The following MARCHF1 variants were observed in gnomAD, a reference collection of about 807,000 sequenced individuals.
MARCHF1 encodes membrane associated ring-CH-type finger 1, also known as E3 ubiquitin-protein ligase MARCHF1.
A neutral mutation model predicts 54.2 loss-of-function variants in MARCHF1; 40 were observed. That is an observed-to-expected ratio of 0.74 (90% confidence interval 0.57 to 0.96). MARCHF1 has a LOEUF of 0.96. MARCHF1 is among the 40% of genes least tolerant of loss of function. The pLI, the probability that MARCHF1 is intolerant of heterozygous loss-of-function variation, is 0.00. For synonymous variants in MARCHF1, 236 were observed against 236.3 expected (o/e 1.00, Z 0.01); for missense variants, 586 against 656.5 (o/e 0.89, Z 1.17).
intron 4 of MARCHF1, among the ~76,000 whole-genome samples, chr4:163,789,237 T>G (rs1747703877): frequency 2.0e-5 from 3 of 152,018 alleles, no homozygotes; most frequent in African/African-American, 7.2e-5. Flanking sequence ...TACTGCAGGA[T>G]AGAAATACAA....
At chr4:163,751,539 A>G (rs904358992) in intron 4 of MARCHF1, among the ~76,000 whole-genome samples, 3 of 152,004 alleles carry the variant, frequency 2.0e-5, no homozygotes, top group African/African-American at 7.2e-5. Context: ...AGGTTTATGC[A>G]TACAAAATCA....
chr4:164,022,207 T>C (rs572607260), intron 2 of MARCHF1, among the ~76,000 whole-genome samples: 39 of 152,348 alleles, frequency 2.6e-4, no homozygotes, highest in African/African-American at 8.7e-4. Flanking sequence ...TTCATAACTG[T>C]ACTGTTCAAT....
rs2111283575 is a variant in MARCHF1 at position 163,894,676 on chromosome 4, ATATG to A, written c.-38-40511_-38-40508del. Reference sequence around the variant, plus strand: ...GCATATATATGCATGTGATGCATATATATGCATGTGATGCATATATATATGCATG... The same window carrying A: ...GCATATATATGCATGTGATGCATATACATGTGATGCATATATATATGCATG... On this transcript the variant is annotated intron_variant, in intron 3 of 9. Coordinates refer to ENST00000514618, the MANE Select transcript of MARCHF1 (RefSeq NM_001394959.1). Among the ~76,000 whole-genome samples, 3 of 73,622 alleles carry A rather than the reference ATATG, an allele frequency of 4.1e-5. 1 individual carries two copies. Among genetic ancestry groups the A allele is most frequent in the African/African-American group, 1.5e-4 (3 of 20,402 alleles). The allele number at this position is 73,622 out of a possible 152,430, so 48.3% of individuals were successfully genotyped here.
chr4:163,728,251 A>G (rs980762335), intron 4 of MARCHF1, among the ~76,000 whole-genome samples: 20 of 152,246 alleles, frequency 1.3e-4, no homozygotes, highest in African/African-American at 4.6e-4. Flanking sequence ...CTGTAGTTAC[A>G]ATAGGAAGCC....
intron 5 of MARCHF1, among the ~76,000 whole-genome samples, chr4:163,665,088 A>T (rs2111111187): frequency 6.6e-6 from 1 of 152,156 alleles, no homozygotes; most frequent in South Asian, 2.1e-4. Context: ...GGTCTATCTT[A>T]ATGTTGGTTA....
rs1160006858 is a variant in MARCHF1 at position 163,528,951 on chromosome 4, C to T, written c.1435G>A (p.Val479Ile). The T allele has an allele frequency of 6.2e-7, 1 of 1,613,314 alleles. No homozygotes were observed. The highest frequency in any genetic ancestry group is 1.3e-5 in the African/African-American group (1 of 74,976). ...VFMYVQCKVY[V>I]QLWRRLKAYN... Reference sequence around the variant, plus strand: ...GCCTTCAGCCTGCGCCACAACTGAACATAGACTTTACACTGTACGTACATG... The same window carrying T: ...GCCTTCAGCCTGCGCCACAACTGAATATAGACTTTACACTGTACGTACATG... The change falls in exon 10 of 10, where the codon GTT (valine) becomes ATT (isoleucine). Residue 479 changes from valine to isoleucine, a missense_variant. Physicochemically the swap from Val to Ile is conservative, Grantham distance 29. Coordinates refer to ENST00000514618, the MANE Select transcript of MARCHF1 (RefSeq NM_001394959.1).
chr4:163,833,670 T>G (rs935961762), intron 4 of MARCHF1, among the ~76,000 whole-genome samples: 2 of 152,208 alleles, frequency 1.3e-5, no homozygotes, highest in East Asian at 3.9e-4. Flanking sequence ...AAAATATTAT[T>G]TATTGTTTTT....
chr4:164,372,504 C>T (rs1731064471), intron 1 of MARCHF1, among the ~76,000 whole-genome samples: 1 of 152,006 alleles, frequency 6.6e-6, no homozygotes, highest in South Asian at 2.1e-4. Flanking sequence ...AGGGGAGCAT[C>T]CACTTTTCAG....
chr4:163,992,363 G>T (rs1165962123), intron 2 of MARCHF1, among the ~76,000 whole-genome samples: 1 of 151,870 alleles, frequency 6.6e-6, no homozygotes, highest in African/African-American at 2.4e-5. Context: ...TAAGTCAATT[G>T]AAAAAATATG....
At chr4:164,052,143 TTTTG>T (rs1357236554) in intron 2 of MARCHF1, among the ~76,000 whole-genome samples, 5 of 111,080 alleles carry the variant, frequency 4.5e-5, no homozygotes, top group South Asian at 2.8e-4. Flanking sequence ...AAGTTTTTTT[TTTTG>T]TTTTTTTTGT....
intron 4 of MARCHF1, among the ~76,000 whole-genome samples, chr4:163,794,149 C>T (rs943559061): frequency 3.3e-5 from 5 of 152,156 alleles, no homozygotes; most frequent in Non-Finnish European, 7.4e-5. Context: ...AATAAATCAA[C>T]TGAGTAGCAG....
chr4:163,862,017 C>CA (rs1749947661), intron 3 of MARCHF1, among the ~76,000 whole-genome samples: 1 of 151,732 alleles, frequency 6.6e-6, no homozygotes, highest in Non-Finnish European at 1.5e-5. Context: ...CATTCATATG[C>CA]AAAAAAATGA....
chr4:163,964,354 T>C (rs1419396002), intron 3 of MARCHF1, among the ~76,000 whole-genome samples: 1 of 152,002 alleles, frequency 6.6e-6, no homozygotes, highest in Non-Finnish European at 1.5e-5. Context: ...GATTCATTAC[T>C]ATTTACTTAA....
In MARCHF1 at chr4:164,027,392, A is replaced by AAAAAAAAAAAAAAAAAAAAT. The variant is rs1553971149; in HGVS notation, c.-247-38684_-247-38683insATTTTTTTTTTTTTTTTTTT. Among the ~76,000 whole-genome samples the AAAAAAAAAAAAAAAAAAAAT allele has an allele frequency of 7.3e-4, 43 of 59,006 alleles. 15 individuals are homozygous for AAAAAAAAAAAAAAAAAAAAT. Among genetic ancestry groups the AAAAAAAAAAAAAAAAAAAAT allele is most frequent in the Middle Eastern group, 0.013 (1 of 76 alleles). The allele number at this position is 59,006 out of a possible 152,430, so 38.7% of individuals were successfully genotyped here. A position where few individuals can be genotyped will look rare whatever the true frequency, so the allele number is the denominator to read the frequency against. ...AAAAAAAAAAAAAAAAAAAAAAAAA[A>AAAAAAAAAAAAAAAAAAAAT]AGATACATAGATAAATGGATCTATA... is the stretch of plus-strand genomic sequence containing the variant. On this transcript the variant is annotated intron_variant, in intron 2 of 9. Transcript: ENST00000514618.
intron 3 of MARCHF1, among the ~76,000 whole-genome samples, chr4:163,978,077 C>G (rs769673553): frequency 5.3e-5 from 8 of 152,078 alleles, no homozygotes; most frequent in Non-Finnish European, 1.0e-4. Context: ...CCAGAAAATT[C>G]GTTGCTCAGC....
At chr4:164,207,106 T>C (rs1731628050) in intron 1 of MARCHF1, among the ~76,000 whole-genome samples, 1 of 152,212 alleles carries the variant, frequency 6.6e-6, no homozygotes, top group African/African-American at 2.4e-5. Context: ...CTCATTGATA[T>C]TTTTGCAGGT....
chr4:163,561,497 T>C (rs1739465995), intron 8 of MARCHF1, among the ~76,000 whole-genome samples: 1 of 152,156 alleles, frequency 6.6e-6, no homozygotes. Flanking sequence ...ATCACACAAA[T>C]ATATAGCCAA....
chr4:163,746,189 T>C lies in MARCHF1; in HGVS notation c.112-45326A>G, dbSNP rs540198773. Among the ~76,000 whole-genome samples the C allele has an allele frequency of 5.9e-5, 9 of 152,374 alleles. No individual in the cohort carries two copies. The South Asian group carries it at 1.9e-3, about 32-fold the overall frequency. On this transcript the variant is annotated intron_variant, in intron 4 of 9. Coordinates refer to ENST00000514618, the MANE Select transcript of MARCHF1 (RefSeq NM_001394959.1). Reference sequence around the variant, plus strand: ...TCTTTCTTCCCTTCCTCTTAATCCCTGGACACCATGGCTCTTTTCACTTTT... The same window carrying C: ...TCTTTCTTCCCTTCCTCTTAATCCCCGGACACCATGGCTCTTTTCACTTTT...
At chr4:163,996,849 C>A (rs959692837) in intron 2 of MARCHF1, among the ~76,000 whole-genome samples, 16 of 152,030 alleles carry the variant, frequency 1.1e-4, no homozygotes, top group African/African-American at 3.1e-4. Context: ...CAAGGAACTA[C>A]CAGAAGCTGC....
Sources: gnomAD v4.1 joint callset for allele counts (sites outside exome capture counted in the v4.1 genomes callset) on GRCh38, gnomAD v4.1.1 for gene constraint, MANE v1.5 for transcripts, NCBI Gene and HGNC (gene_info 2026-07-23, HGNC 2026-07-21) for gene names.